Variants in STAT3 observed in about 807,000 individuals in gnomAD.
STAT3 encodes the protein DNA-binding protein APRF.
A neutral mutation model predicts 114.3 loss-of-function variants in STAT3; 7 were observed. The ratio of observed to expected loss-of-function variants is 0.06; its 90% CI spans 0.03 to 0.11. STAT3 has a LOEUF of 0.11. Ranked by LOEUF, STAT3 falls within the 10% of genes least tolerant of loss-of-function variation. The pLI is 1.00. For synonymous variants in STAT3, 331 were observed against 354.5 expected (o/e 0.93, Z 0.74); for missense variants, 364 against 960.9 (o/e 0.38, Z 8.21).
rs2144679792 is a variant in STAT3 at position 42,322,369 on chromosome 17, A to G, written c.2014T>C (p.Tyr672His). The change falls in exon 21 of 24, where the codon TAT (tyrosine) becomes CAT (histidine). Residue 672 changes from tyrosine to histidine, a missense_variant. By Grantham distance (83) the Tyr-to-His change is moderately conservative (BLOSUM62 2). Coordinates refer to ENST00000264657, the MANE Select transcript of STAT3 (RefSeq NM_139276.3). ...ATNILVSPLV[Y>H]LYPDIPKEEA... Reference sequence around the variant, plus strand: ...TCCTTGGGAATGTCAGGATAGAGATAGACCAGTGGAGACACCAGGATATTG... The same window carrying G: ...TCCTTGGGAATGTCAGGATAGAGATGGACCAGTGGAGACACCAGGATATTG... The G allele has an allele frequency of 6.2e-7, 1 of 1,614,248 alleles. No individual in the cohort carries two copies.
chr17:42,382,391 A>ATT (rs1255143819), intron 1 of STAT3, among the ~76,000 whole-genome samples: 3 of 152,178 alleles, frequency 2.0e-5, no homozygotes, highest in Non-Finnish European at 4.4e-5. Flanking sequence ...AGAGGCTCAG[A>ATT]TTCTGACTAG....
In STAT3 at chr17:42,334,114, G is replaced by A. The variant is rs1001125901; in HGVS notation, c.798-65C>T. ...ATGTATACAGGTGAGATGGAGAAGG[G>A]GAAGGAAATACTGAAGACATGGAGA... On this transcript the variant is annotated intron_variant, in intron 8 of 23. Transcript: ENST00000264657. 6 of 1,592,174 alleles carry A rather than the reference G, an allele frequency of 3.8e-6. No homozygotes were observed. The Admixed American group carries it at 1.0e-4, about 27-fold the overall frequency.
At chr17:42,348,999 GGGACTATA>G (rs2082820686) in intron 1 of STAT3, among the ~76,000 whole-genome samples, 1 of 152,182 alleles carries the variant, frequency 6.6e-6, no homozygotes, top group Middle Eastern at 3.4e-3. Flanking sequence ...CCGAGGAGCT[GGGACTATA>G]GGCACACAAC....
chr17:42,333,615 C>T lies in STAT3; in HGVS notation c.1049+58G>A. ...TGACCCTGGCCACCAACTCTACCCT[C>T]ACCCTAACAGTGTCCCTCAGTAAAA... On this transcript the variant is annotated intron_variant, in intron 10 of 23. Transcript: ENST00000264657. This position sits in a 1 kb window ranked among gnomAD's most constrained non-coding sequence, Gnocchi z 5.2. 6.3e-7 allele frequency: 1 copy of T among 1,592,990 alleles called. No homozygotes were observed. Among genetic ancestry groups the T allele is most frequent in the Non-Finnish European group, 8.6e-7 (1 of 1,161,862 alleles).
At position 42,339,362 on chromosome 17, in the gene STAT3, C is replaced by T. The variant is rs755877110; in HGVS notation, c.420G>A (p.Lys140=). ...GAAGGTGCTGCTCCAGCATCTGCTG[C>T]TTCTCCGTCACCACGGCTGCTGTGG... ...NHPTAAVVTE[K]QQMLEQHLQD... Residue 140 remains lysine (K), a synonymous_variant, in exon 5 of 24, where the codon AAG becomes AAA. Transcript: ENST00000264657. The T allele has an allele frequency of 5.0e-6, 8 of 1,614,122 alleles. No homozygotes were observed. The East Asian group carries it at 1.6e-4, about 31-fold the overall frequency.
chr17:42,335,525 G>A (rs1329330293), intron 8 of STAT3, among the ~76,000 whole-genome samples: 1 of 152,164 alleles, frequency 6.6e-6, no homozygotes, highest in Non-Finnish European at 1.5e-5. Flanking sequence ...GCCTTCAACT[G>A]ATCAAAGGAC....
In STAT3 at chr17:42,334,749, A is replaced by T. The variant is rs181381072; in HGVS notation, c.798-700T>A. Among the ~76,000 whole-genome samples the T allele has an allele frequency of 3.8e-4, 57 of 151,834 alleles. 1 individual carries two copies. Among genetic ancestry groups the T allele is most frequent in the Middle Eastern group, 6.9e-3 (2 of 290 alleles). On this transcript the variant is annotated intron_variant, in intron 8 of 23. Coordinates refer to ENST00000264657, the MANE Select transcript of STAT3 (RefSeq NM_139276.3). ...TGTGAGCCACCATGCCTGGCCAGAA[A>T]ATAATTTATTTTACCTTTTATTACT...
At position 42,313,721 on chromosome 17, in the gene STAT3, C is replaced by T. The variant is rs886733912; in HGVS notation, c.*2024G>A. On this transcript the variant is annotated 3_prime_UTR_variant, in exon 24 of 24. Transcript: ENST00000264657. ...CTCCAGAGAAGCCCTGAACCCTCGC[C>T]CTAGGTCCCTATGATTTAAACCCAA... The T allele has an allele frequency of 2.1e-5, 5 of 232,898 alleles. No homozygotes were observed. The highest frequency in any genetic ancestry group is 8.8e-5 in the African/African-American group (4 of 45,260). 14.4% of individuals were successfully genotyped at this position (232,898 alleles called of 1,614,324 possible).
At chr17:42,375,653 A>AC (rs2084408539) in intron 1 of STAT3, among the ~76,000 whole-genome samples, 1 of 151,614 alleles carries the variant, frequency 6.6e-6, no homozygotes, top group African/African-American at 2.4e-5. Context: ...ACATGGAGAA[A>AC]CCCCCATCTC....
chr17:42,359,959 C>T (rs1046322292), intron 1 of STAT3, among the ~76,000 whole-genome samples: 1 of 146,026 alleles, frequency 6.8e-6, no homozygotes, highest in South Asian at 2.2e-4. Flanking sequence ...ACTTGGGAGG[C>T]TGAGGCAGGA....
intron 3 of STAT3, 21 bp downstream of exon 3, chr17:42,346,548 G>C (rs1248139008): frequency 3.1e-6 from 5 of 1,613,878 alleles, no homozygotes; most frequent in Non-Finnish European, 4.2e-6. Flanking sequence ...GTTTCTCCTT[G>C]TCCTCAGTTT....
At chr17:42,339,996 C>T (rs548860652) in intron 4 of STAT3, among the ~76,000 whole-genome samples, 90 of 152,032 alleles carry the variant, frequency 5.9e-4, no homozygotes, top group African/African-American at 2.1e-3. Context: ...GAGGCCCCAT[C>T]TCGAATGAAT....
At chr17:42,370,624 CTTTT>C (rs951549086) in intron 1 of STAT3, among the ~76,000 whole-genome samples, 2 of 150,402 alleles carry the variant, frequency 1.3e-5, no homozygotes, top group Non-Finnish European at 3.0e-5. Context: ...TCCTGTTTTT[CTTTT>C]TTTGTTTTTT....
At chr17:42,345,100 T>C (rs1051200313) in intron 4 of STAT3, among the ~76,000 whole-genome samples, 1 of 151,714 alleles carries the variant, frequency 6.6e-6, no homozygotes, top group Non-Finnish European at 1.5e-5. Flanking sequence ...ACCCCGTCTC[T>C]ACTAAAAATA....
rs55806677 is a variant in STAT3, at chr17:42,328,036, C to CA, written c.1281+1373dup. Among the ~76,000 whole-genome samples, 87 of 79,744 alleles carry CA rather than the reference C, an allele frequency of 1.1e-3. 1 individual carries two copies. Among genetic ancestry groups the CA allele is most frequent in the Admixed American group, 3.9e-3 (37 of 9,392 alleles). 52.3% of individuals were successfully genotyped at this position (79,744 alleles called of 152,430 possible). A position where few individuals can be genotyped will look rare whatever the true frequency, so the allele number is the denominator to read the frequency against. ...AATCCGATAGAACGAGACTCCGACT[C>CA]AAAAAAAAAAAAGAAAAAAGAAATT... On this transcript the variant is annotated intron_variant, in intron 14 of 23. Transcript: ENST00000264657.
At chr17:42,371,488 A>G (rs1483305126) in intron 1 of STAT3, among the ~76,000 whole-genome samples, 1 of 150,630 alleles carries the variant, frequency 6.6e-6, no homozygotes, top group Non-Finnish European at 1.5e-5. Flanking sequence ...CCTGACCAAC[A>G]TGGAGAAACC....
intron 10 of STAT3, 130 bp from the exon 11 acceptor site, chr17:42,331,661 C>A: frequency 1.3e-6 from 1 of 756,996 alleles, no homozygotes; most frequent in Non-Finnish European, 2.2e-6. Flanking sequence ...TAATTACAGG[C>A]TCACATCTAT....
chr17:42,316,728 G>A (rs774226646), intron 23 of STAT3, 61 bp downstream of exon 23: 11 of 1,608,660 alleles, frequency 6.8e-6, no homozygotes, highest in Admixed American at 6.8e-5. Context: ...ACATGTGAGA[G>A]CATCACACAA....
At chr17:42,352,156 T>C (rs1001818700) in intron 1 of STAT3, among the ~76,000 whole-genome samples, 1 of 151,886 alleles carries the variant, frequency 6.6e-6, no homozygotes, top group Admixed American at 6.6e-5. Flanking sequence ...CTGGCCAACA[T>C]AGTGAAACCC....
Sources: gnomAD v4.1 joint callset for allele counts (sites outside exome capture counted in the v4.1 genomes callset) on GRCh38, gnomAD v4.1.1 for gene constraint, Gnocchi (gnomAD v3.1) non-coding constraint, MANE v1.5 for transcripts, NCBI Gene and HGNC (gene_info 2026-07-23, HGNC 2026-07-21) for gene names.